Variants in TASP1 observed in about 807,000 individuals in gnomAD.
TASP1 encodes the protein taspase 1.
TASP1 carries 16 observed loss-of-function variants against 56.6 expected under a neutral mutation model. The ratio of observed to expected loss-of-function variants is 0.28; its 90% CI spans 0.19 to 0.43. The LOEUF (loss-of-function observed/expected upper bound fraction) is 0.43. Ranked by LOEUF, TASP1 falls within the 20% of genes least tolerant of loss-of-function variation. The probability of loss-of-function intolerance (pLI) is 1.00; values close to 1 mark genes in which losing one functional copy is unlikely to be tolerated. For missense variants in TASP1, 393 were observed against 511.6 expected, an observed-to-expected ratio of 0.77 and a Z score of 2.24; for synonymous variants, 179 against 184.2, an observed-to-expected ratio of 0.97 and a Z score of 0.23.
the TASP1 span, among the ~76,000 whole-genome samples, chr20:13,298,545 CATT>C: frequency 6.6e-6 from 1 of 152,062 alleles, no homozygotes; most frequent in Non-Finnish European, 1.5e-5. Flanking sequence ...TTAGGGGTGA[CATT>C]ATATATTTCC....
At chr20:13,294,232 A>G in the TASP1 span, among the ~76,000 whole-genome samples, 1 of 152,130 alleles carries the variant, frequency 6.6e-6, no homozygotes, top group African/African-American at 2.4e-5. Flanking sequence ...AACAAATCCA[A>G]TCAGAAATGT....
intron 13 of TASP1, among the ~76,000 whole-genome samples, chr20:13,392,454 A>G (rs1568738210): frequency 6.6e-6 from 1 of 152,198 alleles, no homozygotes; most frequent in Non-Finnish European, 1.5e-5. Flanking sequence ...TGTAATTGAA[A>G]GTCGGTTTTG....
the TASP1 span, among the ~76,000 whole-genome samples, chr20:13,187,157 T>C: frequency 2.0e-5 from 3 of 151,970 alleles, no homozygotes; most frequent in African/African-American, 7.3e-5. Context: ...TGGAGATAAG[T>C]TAACAGAAAC....
At chr20:13,490,706 A>T (rs1482013007) in intron 10 of TASP1, among the ~76,000 whole-genome samples, 2 of 150,310 alleles carry the variant, frequency 1.3e-5, no homozygotes, top group Non-Finnish European at 3.0e-5. Context: ...TTACACACAC[A>T]CCCCTACCTT....
the TASP1 span, among the ~76,000 whole-genome samples, chr20:13,337,699 C>T: frequency 6.6e-6 from 1 of 152,176 alleles, no homozygotes; most frequent in Admixed American, 6.5e-5. Flanking sequence ...AACTTTTGTG[C>T]AACACAATTA....
rs554503389 is a variant in TASP1, at chr20:13,390,524, CA to C, written c.1171-73del. ...CCCTTGCCACACCCCTACCCGTGTC[CA>C]AAAAAGGTGGAGGAAACACCAGAGC... On this transcript the variant is annotated intron_variant, in intron 13 of 13. Transcript: ENST00000337743. The C allele has an allele frequency of 1.0e-4, 142 of 1,390,674 alleles. 6 individuals carry two copies. In the South Asian group the frequency reaches 1.3e-3, roughly 13 times the overall value. The allele number at this position is 1,390,674 out of a possible 1,614,324, so 86.1% of individuals were successfully genotyped here. A position where few individuals can be genotyped will look rare whatever the true frequency, so the allele number is the denominator to read the frequency against.
At chr20:13,251,668 C>T in the TASP1 span, among the ~76,000 whole-genome samples, 1 of 152,202 alleles carries the variant, frequency 6.6e-6, no homozygotes, top group African/African-American at 2.4e-5. Flanking sequence ...GGTCAGAGAG[C>T]AAGCAAGAGT....
intron 10 of TASP1, among the ~76,000 whole-genome samples, chr20:13,507,474 G>A (rs2044174490): frequency 6.6e-6 from 1 of 152,020 alleles, no homozygotes; most frequent in Admixed American, 6.6e-5. Flanking sequence ...CGATTCCATT[G>A]AGCCATGATT....
chr20:13,437,671 C>T (rs2043055179), intron 11 of TASP1, among the ~76,000 whole-genome samples: 1 of 152,146 alleles, frequency 6.6e-6, no homozygotes, highest in South Asian at 2.1e-4. Context: ...TCTCAGGATA[C>T]AAAATCAATG....
At chr20:13,587,854 A>C (rs746355123) in intron 4 of TASP1, among the ~76,000 whole-genome samples, 16 of 152,272 alleles carry the variant, frequency 1.1e-4, no homozygotes, top group Admixed American at 2.0e-4. Flanking sequence ...GGCCAGGCGC[A>C]GTGGCTCACA....
At chr20:13,357,326 C>A in the TASP1 span, among the ~76,000 whole-genome samples, 8 of 152,130 alleles carry the variant, frequency 5.3e-5, no homozygotes, top group African/African-American at 7.2e-5. Flanking sequence ...CCCACCCACC[C>A]CAATTAGGCT....
At chr20:13,213,069 C>T in the TASP1 span, among the ~76,000 whole-genome samples, 16 of 152,218 alleles carry the variant, frequency 1.1e-4, no homozygotes, top group African/African-American at 3.4e-4. Context: ...TCTTTCTCTG[C>T]TGAGGAATGG....
At position 13,519,724 on chromosome 20, in the gene TASP1, C is replaced by T. The variant is rs541007396; in HGVS notation, c.874+8709G>A. Among the ~76,000 whole-genome samples, 49 of 152,270 alleles carry T rather than the reference C, an allele frequency of 3.2e-4. No individual in the cohort carries two copies. In the South Asian group the frequency reaches 9.9e-3, roughly 31 times the overall value. ...TGAAAATTGGCACAAGACAGGGATGCCCTCTCTCACCACTCCTATTTAACA... is the reference window on the plus strand; with the variant it reads ...TGAAAATTGGCACAAGACAGGGATGTCCTCTCTCACCACTCCTATTTAACA... On this transcript the variant is annotated intron_variant, in intron 10 of 13. Transcript: ENST00000337743.
chr20:13,428,046 C>T (rs1195941258), intron 12 of TASP1, among the ~76,000 whole-genome samples: 1 of 152,166 alleles, frequency 6.6e-6, no homozygotes, highest in Non-Finnish European at 1.5e-5. Context: ...AAGCTTGGCA[C>T]AAAAGCCACT....
At chr20:13,377,188 A>C in the TASP1 span, among the ~76,000 whole-genome samples, 1 of 152,214 alleles carries the variant, frequency 6.6e-6, no homozygotes, top group Non-Finnish European at 1.5e-5. Context: ...TTGCCCATCC[A>C]ATATGATATT....
chr20:13,304,445 G>A, the TASP1 span, among the ~76,000 whole-genome samples: 1 of 152,110 alleles, frequency 6.6e-6, no homozygotes, highest in African/African-American at 2.4e-5. Context: ...CTATAAATTG[G>A]GGTAAGTCCA....
chr20:13,312,561 A>C, the TASP1 span, among the ~76,000 whole-genome samples: 1 of 152,166 alleles, frequency 6.6e-6, no homozygotes, highest in Non-Finnish European at 1.5e-5. Flanking sequence ...GGAGGCCTCA[A>C]ACAAGTTTCA....
At chr20:13,479,050 AT>A (rs1174447375) in intron 11 of TASP1, among the ~76,000 whole-genome samples, 21 of 152,274 alleles carry the variant, frequency 1.4e-4, no homozygotes, top group African/African-American at 4.8e-4. Context: ...CTTCTATATA[AT>A]TTTTAAAATG....
the TASP1 span, among the ~76,000 whole-genome samples, chr20:13,378,844 T>G: frequency 6.6e-6 from 1 of 152,232 alleles, no homozygotes; most frequent in Non-Finnish European, 1.5e-5. Context: ...TCTTTGTCTT[T>G]TTTGATCTTT....
Sources: allele counts gnomAD v4.1 joint callset (sites outside exome capture counted in the v4.1 genomes callset), GRCh38; gene constraint gnomAD v4.1.1; transcripts MANE v1.5; gene names NCBI Gene and HGNC (gene_info 2026-07-23, HGNC 2026-07-21).